GCNA: variants seen among roughly 807,000 people sequenced by gnomAD.
The protein encoded by GCNA is germ cell nuclear acidic peptidase.
A neutral mutation model predicts 38.8 loss-of-function variants in GCNA; 3 were observed. The ratio of observed to expected loss-of-function variants is 0.08; its 90% CI spans 0.04 to 0.20. The LOEUF (loss-of-function observed/expected upper bound fraction) is 0.20, where lower values mean the gene tolerates loss of function less well. Among genes scored for constraint, GCNA ranks in the 10% least tolerant of loss-of-function variants. The pLI is 1.00. For synonymous variants in GCNA, 195 were observed against 240.2 expected (o/e 0.81, Z 1.74); for missense variants, 446 against 578.6 (o/e 0.77, Z 2.35).
rs1189842536 is a variant in GCNA at position 71,595,440 on chromosome X, C to G, written c.221+661C>G. On this transcript the variant is annotated intron_variant, in intron 6 of 12. Coordinates refer to ENST00000373696, the MANE Select transcript of GCNA (RefSeq NM_052957.5). ...GCTTCCTCACCTTGATCTCTTACTTCTGATCCAGTCGGTGTACCACTTGTA... is the reference window on the plus strand; with the variant it reads ...GCTTCCTCACCTTGATCTCTTACTTGTGATCCAGTCGGTGTACCACTTGTA... Among the ~76,000 whole-genome samples, 3 of 112,027 alleles carry G rather than the reference C, an allele frequency of 2.7e-5. No individual in the cohort carries two copies. In the East Asian group the frequency reaches 8.4e-4, roughly 31 times the overall value.
intron 2 of GCNA, among the ~76,000 whole-genome samples, chrX:71,588,464 C>T (rs2040599255): frequency 8.9e-6 from 1 of 112,042 alleles, no homozygotes; most frequent in East Asian, 2.8e-4. Flanking sequence ...AGTATTTCTT[C>T]CAGAGATTTT....
chrX:71,582,819 T>C (rs1011921763), intron 2 of GCNA, among the ~76,000 whole-genome samples: 5 of 112,341 alleles, frequency 4.5e-5, no homozygotes, highest in Non-Finnish European at 9.4e-5. Context: ...CATACTTTTC[T>C]CCATGTTCAT....
intron 6 of GCNA, among the ~76,000 whole-genome samples, chrX:71,596,260 C>T (rs1378746508): frequency 8.9e-6 from 1 of 111,940 alleles, no homozygotes; most frequent in African/African-American, 3.3e-5. Flanking sequence ...AGCTGAAATT[C>T]TAGAGCCAAA....
At position 71,603,753 on chromosome X, in the gene GCNA, C is replaced by T; in HGVS notation, c.476C>T (p.Pro159Leu). 8.3e-7 allele frequency: 1 copy of T among 1,206,993 alleles called. No individual in the cohort carries two copies. The highest frequency in any genetic ancestry group is 1.1e-6 in the Non-Finnish European group (1 of 894,607). Residue 159 changes from proline (P) to leucine (L), a missense_variant, in exon 8 of 13, where the codon CCT (proline) becomes CTT (leucine). Coordinates refer to ENST00000373696, the MANE Select transcript of GCNA (RefSeq NM_052957.5). ...PDDNSDDSEA[P>L]DDNSDDSEAP... The stretch of plus-strand genomic sequence containing the variant: ...GACAACAGTGATGATTCGGAAGCTC[C>T]TGACGACAACAGTGATGATTCGGAA...
chrX:71,608,885 G>A (rs1196928012), intron 9 of GCNA, 88 bp from the exon 10 acceptor site: 2 of 1,056,554 alleles, frequency 1.9e-6, no homozygotes, highest in Non-Finnish European at 2.5e-6. Context: ...GGAGCAACAT[G>A]TTTTCAGGGT....
intron 1 of GCNA, chrX:71,580,248 G>A (rs1411997182): frequency 9.6e-6 from 1 of 104,698 alleles, no homozygotes; most frequent in African/African-American, 3.5e-5. Flanking sequence ...TGGGAGTGGA[G>A]GGAGTGGGAA....
intron 2 of GCNA, among the ~76,000 whole-genome samples, chrX:71,584,465 C>G (rs762218056): frequency 6.3e-5 from 7 of 111,535 alleles, no homozygotes; most frequent in Non-Finnish European, 1.1e-4. Flanking sequence ...GTTGCCCAGG[C>G]TAGTCTCGAA....
At chrX:71,590,465 C>A (rs1602171574) in intron 2 of GCNA, among the ~76,000 whole-genome samples, 1 of 111,792 alleles carries the variant, frequency 8.9e-6, no homozygotes, top group East Asian at 2.8e-4. Flanking sequence ...CATATTGACC[C>A]ATACATGGGA....
intron 2 of GCNA, among the ~76,000 whole-genome samples, chrX:71,583,608 GCTGACATCATAAA>G (rs2040562214): frequency 9.1e-6 from 1 of 110,251 alleles, no homozygotes; most frequent in South Asian, 3.8e-4. Flanking sequence ...TAGTAATGCT[GCTGACATCATAAA>G]CTGACACAAC....
intron 2 of GCNA, among the ~76,000 whole-genome samples, chrX:71,586,900 G>A (rs964357759): frequency 1.8e-5 from 2 of 112,004 alleles, no homozygotes; most frequent in Non-Finnish European, 3.8e-5. Context: ...GTGAGCCACT[G>A]CGCCTGGCCC....
intron 11 of GCNA, among the ~76,000 whole-genome samples, chrX:71,611,140 A>G (rs2040807609): frequency 8.9e-6 from 1 of 111,996 alleles, no homozygotes; most frequent in East Asian, 2.8e-4. Context: ...AGAGTAGCTC[A>G]CCATTCCTTC....
intron 11 of GCNA, among the ~76,000 whole-genome samples, chrX:71,611,908 G>A (rs990249580): frequency 1.8e-5 from 2 of 111,181 alleles, no homozygotes; most frequent in Admixed American, 1.9e-4. Context: ...GTGCTTGCCT[G>A]CATGTGCTTC....
rs1251155985 is a variant in GCNA, at chrX:71,604,504, A to G, written c.1227A>G (p.Gln409=). 4 of 1,199,098 alleles carry G rather than the reference A, an allele frequency of 3.3e-6. No homozygotes were observed. The highest frequency in any genetic ancestry group is 3.6e-5 in the South Asian group (2 of 55,146). Reference sequence around the variant, plus strand: ...AAGAGCCTGCACCTGTGGTGGAACAATCAGGGAAAAGGAAGTCAAAAACCA... The same window carrying G: ...AAGAGCCTGCACCTGTGGTGGAACAGTCAGGGAAAAGGAAGTCAAAAACCA... ...TEEEPAPVVE[Q]SGKRKSKTKT... is the part of the protein sequence containing the mutation. Residue 409 remains glutamine (Q), a synonymous_variant, in exon 8 of 13, where the codon CAA becomes CAG. Coordinates refer to ENST00000373696, the MANE Select transcript of GCNA (RefSeq NM_052957.5).
chrX:71,601,234 C>T (rs1368631875), intron 7 of GCNA, among the ~76,000 whole-genome samples: 2 of 110,270 alleles, frequency 1.8e-5, no homozygotes, highest in African/African-American at 6.6e-5. Context: ...GTCCCCGCTA[C>T]TTGGGAGGCT....
Position 71,609,136 on chromosome X carries a change from C to T in GCNA, c.1611+19C>T. The T allele has an allele frequency of 1.7e-6, 2 of 1,191,550 alleles. No individual in the cohort carries two copies. The highest frequency in any genetic ancestry group is 1.7e-5 in the African/African-American group (1 of 57,491). On this transcript the variant is annotated intron_variant, in intron 10 of 12. Transcript: ENST00000373696. ...TAAAAAGGTAGGATCAATGAATGAG[C>T]ACTGATTGAGCACCTGCTATACACC...
chrX:71,582,247 T>C (rs1334501196), intron 2 of GCNA, among the ~76,000 whole-genome samples: 2 of 98,762 alleles, frequency 2.0e-5, no homozygotes, highest in African/African-American at 7.6e-5. Context: ...CACTCCAGCC[T>C]CTGCAACCCG....
At chrX:71,592,878 T>C (rs973812868) in intron 4 of GCNA, among the ~76,000 whole-genome samples, 1 of 112,084 alleles carries the variant, frequency 8.9e-6, no homozygotes, top group African/African-American at 3.2e-5. Context: ...TTTAGTTTTA[T>C]TTTTAGTTTA....
chrX:71,605,736 A>G lies in GCNA; in HGVS notation c.1466+7A>G, dbSNP rs762796801. ...TTGAAAAACGCAAGACTAGGTATGT[A>G]CTGCTCGCATACAGTTGAACAGGAA... On this transcript the variant is annotated splice_region_variant and intron_variant, in intron 9 of 12. Coordinates refer to ENST00000373696, the MANE Select transcript of GCNA (RefSeq NM_052957.5). 1.0e-5 allele frequency: 12 copies of G among 1,199,083 alleles called. No individual in the cohort carries two copies. In the Admixed American group the frequency reaches 2.0e-4, roughly 20 times the overall value.
At chrX:71,581,636 A>G (rs1215003265) in intron 2 of GCNA, among the ~76,000 whole-genome samples, 1 of 112,315 alleles carries the variant, frequency 8.9e-6, no homozygotes, top group Non-Finnish European at 1.9e-5. Context: ...TTTGAGGATA[A>G]CTGGCTAACC....
Sources: gnomAD v4.1 joint callset for allele counts (sites outside exome capture counted in the v4.1 genomes callset) on GRCh38, gnomAD v4.1.1 for gene constraint, MANE v1.5 for transcripts, NCBI Gene and HGNC (gene_info 2026-07-23, HGNC 2026-07-21) for gene names.